The following FAM135A variants were observed in gnomAD, a reference collection of about 807,000 sequenced individuals.
The protein encoded by FAM135A is protein FAM135A.
FAM135A carries 79 observed loss-of-function variants against 146.8 expected under a neutral mutation model. That is an observed-to-expected ratio of 0.54 (90% CI 0.45 to 0.65). FAM135A has a LOEUF of 0.65. FAM135A is among the 30% of genes least tolerant of loss of function. FAM135A has a pLI of 0.00. For synonymous variants in FAM135A, 562 were observed against 603.6 expected (o/e 0.93, Z 1.01); for missense variants, 1,623 against 1,758.2 (o/e 0.92, Z 1.38).
At chr6:70,478,281 A>G (rs973835834) in intron 8 of FAM135A, among the ~76,000 whole-genome samples, 5 of 152,176 alleles carry the variant, frequency 3.3e-5, no homozygotes, top group African/African-American at 9.6e-5. Context: ...TAAAAATACA[A>G]TGCAAGGTCT....
chr6:70,507,416 A>C (rs772709016), intron 12 of FAM135A, among the ~76,000 whole-genome samples: 1 of 152,160 alleles, frequency 6.6e-6, no homozygotes, highest in Admixed American at 6.5e-5. Flanking sequence ...CTTAGCTACA[A>C]TAAAGTATAT....
intron 4 of FAM135A, among the ~76,000 whole-genome samples, chr6:70,443,431 C>A (rs542377532): frequency 1.3e-5 from 2 of 152,334 alleles, no homozygotes; most frequent in South Asian, 4.1e-4. Flanking sequence ...TGGTGCAGAT[C>A]TGTAACTTAG....
At chr6:70,478,558 A>ATATT (rs1783062060) in intron 8 of FAM135A, among the ~76,000 whole-genome samples, 1 of 152,174 alleles carries the variant, frequency 6.6e-6, no homozygotes, top group African/African-American at 2.4e-5. Context: ...CACAGGTAAT[A>ATATT]ACCTCCTATG....
At chr6:70,455,412 ACG>A (rs1778114918) in intron 5 of FAM135A, among the ~76,000 whole-genome samples, 3 of 149,310 alleles carry the variant, frequency 2.0e-5, no homozygotes, top group African/African-American at 4.9e-5. Flanking sequence ...ACACACACAC[ACG>A]TATATATACA....
intron 5 of FAM135A, among the ~76,000 whole-genome samples, chr6:70,454,742 C>A (rs1308842096): frequency 2.0e-5 from 3 of 151,948 alleles, no homozygotes; most frequent in Non-Finnish European, 2.9e-5. Context: ...ACTTCTGAGG[C>A]CTCTGTTCTG....
At chr6:70,461,033 A>G (rs1458748906) in intron 5 of FAM135A, among the ~76,000 whole-genome samples, 2 of 152,120 alleles carry the variant, frequency 1.3e-5, no homozygotes, top group East Asian at 3.9e-4. Flanking sequence ...CAGGTTGGCC[A>G]GGCTGGTCTC....
chr6:70,557,893 G>C (rs1490210840), intron 21 of FAM135A, among the ~76,000 whole-genome samples: 1 of 152,052 alleles, frequency 6.6e-6, no homozygotes, highest in African/African-American at 2.4e-5. Flanking sequence ...TACATGGTAA[G>C]TACTCCTTTA....
intron 4 of FAM135A, among the ~76,000 whole-genome samples, chr6:70,447,411 G>T (rs1776000644): frequency 6.6e-6 from 1 of 152,152 alleles, no homozygotes; most frequent in Admixed American, 6.5e-5. Flanking sequence ...AATGACTCCT[G>T]TATGTATTTG....
At chr6:70,431,353 T>A (rs1582047860) in intron 4 of FAM135A, among the ~76,000 whole-genome samples, 1 of 152,332 alleles carries the variant, frequency 6.6e-6, no homozygotes, top group South Asian at 2.1e-4. Flanking sequence ...CACAGTCAGA[T>A]GGCAGATTGG....
intron 4 of FAM135A, among the ~76,000 whole-genome samples, chr6:70,434,520 A>G (rs941623227): frequency 3.9e-5 from 6 of 152,214 alleles, no homozygotes; most frequent in African/African-American, 1.4e-4. Context: ...GTTAGTTAAA[A>G]TAGTGTGCTT....
intron 4 of FAM135A, among the ~76,000 whole-genome samples, chr6:70,430,347 CA>C (rs963845248): frequency 3.3e-5 from 5 of 149,754 alleles, no homozygotes; most frequent in Non-Finnish European, 5.9e-5. Flanking sequence ...AAAAAAAAAA[CA>C]AAAAAAGAAA....
At chr6:70,440,640 A>C (rs1376828897) in intron 4 of FAM135A, among the ~76,000 whole-genome samples, 1 of 152,204 alleles carries the variant, frequency 6.6e-6, no homozygotes, top group Non-Finnish European at 1.5e-5. Flanking sequence ...GTGAGCTGAG[A>C]TTGCACCATT....
chr6:70,470,035 G>A (rs1387008993), intron 5 of FAM135A, among the ~76,000 whole-genome samples: 2 of 151,942 alleles, frequency 1.3e-5, no homozygotes, highest in Non-Finnish European at 2.9e-5. Context: ...ACAAGAATGA[G>A]AGAATGCATA....
chr6:70,528,511 T>A, intron 16 of FAM135A, 59 bp downstream of exon 16: 1 of 1,365,232 alleles, frequency 7.3e-7, no homozygotes, highest in South Asian at 2.3e-5. Context: ...TCCTAATAGA[T>A]CTCATTTAGT....
At chr6:70,477,887 A>G (rs1350140607) in intron 8 of FAM135A, among the ~76,000 whole-genome samples, 1 of 152,216 alleles carries the variant, frequency 6.6e-6, no homozygotes, top group African/African-American at 2.4e-5. Flanking sequence ...TATTACAGAA[A>G]TATGAAGCCA....
At chr6:70,521,233 A>G (rs1793509868) in intron 12 of FAM135A, among the ~76,000 whole-genome samples, 1 of 152,202 alleles carries the variant, frequency 6.6e-6, no homozygotes, top group African/African-American at 2.4e-5. Flanking sequence ...TAGGACTTAG[A>G]GAAGGTAGAG....
intron 11 of FAM135A, 87 bp downstream of exon 11, chr6:70,491,170 A>G: frequency 1.9e-6 from 2 of 1,058,460 alleles, no homozygotes; most frequent in Admixed American, 2.3e-5. Context: ...GAAAACTTAA[A>G]GTATTTATAG....
At chr6:70,448,623 G>A (rs1183591574) in intron 4 of FAM135A, among the ~76,000 whole-genome samples, 1 of 152,178 alleles carries the variant, frequency 6.6e-6, no homozygotes, top group African/African-American at 2.4e-5. Flanking sequence ...ATATAGAGGT[G>A]TGGAGTGGGA....
intron 16 of FAM135A, 74 bp from the exon 17 acceptor site, chr6:70,533,085 TG>T (rs968711646): frequency 1.7e-6 from 2 of 1,191,052 alleles, no homozygotes; most frequent in Non-Finnish European, 2.5e-6. Context: ...CTCTAAAAAC[TG>T]TAAAAATATG....
Sources: gnomAD v4.1 joint callset for allele counts (sites outside exome capture counted in the v4.1 genomes callset) on GRCh38, gnomAD v4.1.1 for gene constraint, MANE v1.5 for transcripts, NCBI Gene and HGNC (gene_info 2026-07-23, HGNC 2026-07-21) for gene names.